Variants in L3MBTL2 observed in about 807,000 individuals in gnomAD.
L3MBTL2 encodes L3MBTL histone methyl-lysine binding protein 2.
L3MBTL2 carries 49 observed loss-of-function variants against 86.4 expected under a neutral mutation model. The observed-to-expected ratio is 0.57, with a 90% CI of 0.45 to 0.72. L3MBTL2 has a LOEUF of 0.72. L3MBTL2 is among the 30% of genes least tolerant of loss of function. The probability of loss-of-function intolerance (pLI) is 0.00; values close to 1 mark genes in which losing one functional copy is unlikely to be tolerated. For missense variants in L3MBTL2, 755 were observed against 923.7 expected, an observed-to-expected ratio of 0.82 and a Z score of 2.37; for synonymous variants, 336 against 350.6, an observed-to-expected ratio of 0.96 and a Z score of 0.47.
chr22:41,215,951 C>T (rs528502700), intron 3 of L3MBTL2, among the ~76,000 whole-genome samples, 188 bp from the exon 4 acceptor site: 43 of 152,270 alleles, frequency 2.8e-4, no homozygotes, highest in East Asian at 7.7e-4. Context: ...CTAGCACCCC[C>T]GACGCTTCCC....
At chr22:41,223,324 C>T (rs1347075414) in intron 8 of L3MBTL2, among the ~76,000 whole-genome samples, 1 of 152,162 alleles carries the variant, frequency 6.6e-6, no homozygotes, top group Non-Finnish European at 1.5e-5. Context: ...TGTTCCCTGC[C>T]CCAGGCAGGA....
chr22:41,215,265 G>T (rs890680646), intron 3 of L3MBTL2, among the ~76,000 whole-genome samples: 1 of 152,118 alleles, frequency 6.6e-6, no homozygotes, highest in Admixed American at 6.5e-5. Flanking sequence ...TCTCTTCCGA[G>T]AGCTAAGAAT....
intron 1 of L3MBTL2, among the ~76,000 whole-genome samples, chr22:41,208,915 G>T (rs1352009987): frequency 6.6e-6 from 1 of 151,666 alleles, no homozygotes; most frequent in African/African-American, 2.4e-5. Flanking sequence ...GCCAATTTTT[G>T]TATTTTTAGT....
chr22:41,224,163 TGAC>T lies in L3MBTL2; in HGVS notation c.1093_1095del (p.Asp365del). ...GGCTCCTCTACGAGGATGGTGACAG[TGAC>T]GACGACTTCTGGTGCCACATGTGGA... On this transcript the variant is annotated inframe_deletion, in exon 9 of 17. Coordinates refer to ENST00000216237, the MANE Select transcript of L3MBTL2 (RefSeq NM_031488.5). This position sits in a 1 kb window ranked among gnomAD's most constrained non-coding sequence, Gnocchi z 4.9. 2 of 1,614,052 alleles carry T rather than the reference TGAC, an allele frequency of 1.2e-6. No homozygotes were observed. Among genetic ancestry groups the T allele is most frequent in the Non-Finnish European group, 1.7e-6 (2 of 1,180,012 alleles).
chr22:41,207,377 A>G (rs1351759226), intron 1 of L3MBTL2, among the ~76,000 whole-genome samples: 7 of 149,818 alleles, frequency 4.7e-5, no homozygotes, highest in Non-Finnish European at 8.9e-5. Flanking sequence ...CCTAACCAAA[A>G]CACCCAGCTA....
At position 41,227,215 on chromosome 22, in the gene L3MBTL2, G is replaced by A. The variant is rs1211745791; in HGVS notation, c.1714G>A (p.Gly572Ser). The A allele has an allele frequency of 1.5e-5, 25 of 1,613,500 alleles. No homozygotes were observed. The highest frequency in any genetic ancestry group is 2.1e-5 in the Non-Finnish European group (25 of 1,179,992). ...VHRLLSIHFD[G>S]WDSEYDQWVD... ...TCGGCTCCTCAGCATCCACTTTGAC[G>A]GCTGGGACAGCGAGTACGACCAGTG... is the stretch of plus-strand genomic sequence containing the variant. Residue 572 changes from glycine to serine, a missense_variant, in exon 14 of 17, where the codon GGC (glycine) becomes AGC (serine). Gly to Ser is a moderately conservative substitution (Grantham distance 56, BLOSUM62 0). Around this residue, in one of 3 missense-constraint regions of L3MBTL2, gnomAD observed 634 missense variants for 748.9 expected, o/e 0.85. Transcript: ENST00000216237. This position sits in a 1 kb window ranked among gnomAD's most constrained non-coding sequence, Gnocchi z 6.0.
chr22:41,215,508 G>A (rs2031273245), intron 3 of L3MBTL2, among the ~76,000 whole-genome samples: 1 of 152,198 alleles, frequency 6.6e-6, no homozygotes, highest in African/African-American at 2.4e-5. Flanking sequence ...GATCTCTTTA[G>A]TAAATTCCTG....
rs1313777579 is a variant in L3MBTL2, at chr22:41,209,796, G to A, written c.125G>A (p.Ser42Asn). Residue 42 changes from serine to asparagine, a missense_variant, in exon 2 of 17, where the codon AGT becomes AAT. Physicochemically the swap from Ser to Asn is conservative, Grantham distance 46. This residue lies in a region of L3MBTL2 where 103 missense variants were observed against 105.2 expected (regional missense o/e 0.98). Coordinates refer to ENST00000216237, the MANE Select transcript of L3MBTL2 (RefSeq NM_031488.5). ...CGGAGTTATAACAGCAGTGTGGGCA[G>A]TGAGAGCAGCTCCTATCTGGAGGAG... ...SFRSYNSSVG[S>N]ESSSYLEESS... is the part of the protein sequence containing the mutation. 2.1e-5 allele frequency: 34 copies of A among 1,614,222 alleles called. No individual in the cohort carries two copies. Among genetic ancestry groups the A allele is most frequent in the Non-Finnish European group, 2.8e-5 (33 of 1,180,048 alleles).
intron 3 of L3MBTL2, 143 bp from the exon 4 acceptor site, chr22:41,215,995 TC>T: frequency 1.1e-6 from 1 of 924,198 alleles, no homozygotes; most frequent in South Asian, 1.8e-5. Context: ...ATTGTTATTG[TC>T]ATCACTGTTT....
Position 41,227,770 on chromosome 22 carries a change from T to G in L3MBTL2, c.1823-34T>G. ...CCCTGTGTCCTCCCAGGGACCCTCT[T>G]CTCATCTCTTTCACCCTTGTCTTTC... On this transcript the variant is annotated intron_variant, in intron 14 of 16. Transcript: ENST00000216237. This position sits in a 1 kb window ranked among gnomAD's most constrained non-coding sequence, Gnocchi z 6.0. 6.2e-7 allele frequency: 1 copy of G among 1,613,116 alleles called. No homozygotes were observed.
In L3MBTL2 at chr22:41,205,397, G is replaced by T. The variant is rs1403859285; in HGVS notation, c.24+11G>T. The T allele has an allele frequency of 6.2e-7, 1 of 1,614,084 alleles. No individual in the cohort carries two copies. Among genetic ancestry groups the T allele is most frequent in the African/African-American group, 1.3e-5 (1 of 74,940 alleles). On this transcript the variant is annotated intron_variant, in intron 1 of 16. Transcript: ENST00000216237. ...CCCCGGAGTATTGAGGTGAGAAGGC[G>T]AGGACTTAGCGTGACTGGGAAAGGG... is the stretch of plus-strand genomic sequence containing the variant.
chr22:41,211,115 T>C (rs1330467149), intron 2 of L3MBTL2, among the ~76,000 whole-genome samples: 1 of 152,198 alleles, frequency 6.6e-6, no homozygotes, highest in Non-Finnish European at 1.5e-5. Flanking sequence ...TGAACCCCTG[T>C]GTCAGGGCCT....
At chr22:41,229,481 C>A in intron 15 of L3MBTL2, 59 bp from the exon 16 acceptor site, 4 of 1,568,250 alleles carry the variant, frequency 2.6e-6, no homozygotes, top group Non-Finnish European at 3.5e-6. Flanking sequence ...AGACCTATCC[C>A]ATAAAGCCTT....
chr22:41,210,025 C>T (rs1349665961), intron 2 of L3MBTL2, 92 bp downstream of exon 2: 3 of 1,517,978 alleles, frequency 2.0e-6, no homozygotes, highest in Non-Finnish European at 2.7e-6. Flanking sequence ...CAGAGCCATC[C>T]AGATGTAAAA....
intron 12 of L3MBTL2, 140 bp from the exon 13 acceptor site, chr22:41,226,522 G>T: frequency 1.4e-6 from 1 of 694,074 alleles, no homozygotes. Flanking sequence ...CTACCCTGAG[G>T]GGATGAGAAG....
intron 2 of L3MBTL2, 146 bp from the exon 3 acceptor site, chr22:41,213,747 T>C (rs2145578604): frequency 1.2e-6 from 1 of 845,250 alleles, no homozygotes; most frequent in Admixed American, 2.2e-5. Context: ...CACCAGTACC[T>C]CCCATTCCTC....
In L3MBTL2 at chr22:41,227,908, T is replaced by C. The variant is rs2145617182; in HGVS notation, c.1888+39T>C. The C allele has an allele frequency of 1.2e-6, 2 of 1,604,022 alleles. No individual in the cohort carries two copies. Among genetic ancestry groups the C allele is most frequent in the African/African-American group, 1.3e-5 (1 of 74,798 alleles). On this transcript the variant is annotated intron_variant, in intron 15 of 16. Coordinates refer to ENST00000216237, the MANE Select transcript of L3MBTL2 (RefSeq NM_031488.5). The surrounding 1 kb of genome is among the most constrained non-coding windows in gnomAD (Gnocchi z 6.0). The stretch of plus-strand genomic sequence containing the variant: ...CGGTGCAGCCAGGCTGGTGTGGGCC[T>C]GGGAGCAGTGGGCCTGCGTCCCTGG...
At chr22:41,222,619 A>C (rs1229486797) in intron 8 of L3MBTL2, among the ~76,000 whole-genome samples, 1 of 152,146 alleles carries the variant, frequency 6.6e-6, no homozygotes, top group Non-Finnish European at 1.5e-5. Context: ...CTCTTGAAAA[A>C]AAAAAAAAAC....
At chr22:41,228,855 A>C (rs545088554) in intron 15 of L3MBTL2, among the ~76,000 whole-genome samples, 350 of 148,846 alleles carry the variant, frequency 2.4e-3, no homozygotes, top group Admixed American at 3.8e-3. Flanking sequence ...ATCGCACAAA[A>C]AAAAAAAAAA....
Sources: gnomAD v4.1 joint callset for allele counts (sites outside exome capture counted in the v4.1 genomes callset) on GRCh38, gnomAD v4.1.1 for gene constraint, gnomAD v4.1.1 regional missense constraint, Gnocchi (gnomAD v3.1) non-coding constraint, MANE v1.5 for transcripts, NCBI Gene and HGNC (gene_info 2026-07-23, HGNC 2026-07-21) for gene names.